TRA2B: variants seen among roughly 807,000 people sequenced by gnomAD.
The protein encoded by TRA2B is transformer-2 protein homolog beta.
A neutral mutation model predicts 41.7 loss-of-function variants in TRA2B; 14 were observed. That is an observed-to-expected ratio of 0.34 (90% CI 0.22 to 0.53). TRA2B has a LOEUF of 0.53. TRA2B is among the 20% of genes least tolerant of loss of function. TRA2B has a pLI of 0.95. For synonymous variants in TRA2B, 130 were observed against 128.8 expected (o/e 1.01, Z -0.06); for missense variants, 167 against 396.8 (o/e 0.42, Z 4.92).
At chr3:185,923,724 A>T in intron 4 of TRA2B, 72 bp downstream of exon 4, 2 of 1,400,234 alleles carry the variant, frequency 1.4e-6, no homozygotes, top group Non-Finnish European at 1.9e-6. Flanking sequence ...TCCTTATCCT[A>T]GCAATTGGTC....
At chr3:185,920,932 CATTAAATTG>C (rs1743708935) in intron 6 of TRA2B, among the ~76,000 whole-genome samples, 163 bp downstream of exon 6, 1 of 151,418 alleles carries the variant, frequency 6.6e-6, no homozygotes, top group African/African-American at 2.4e-5. Context: ...TCCAGTTACA[CATTAAATTG>C]ATTAAGACAC....
intron 6 of TRA2B, 124 bp downstream of exon 6, chr3:185,920,980 A>T: frequency 1.5e-6 from 1 of 647,490 alleles, no homozygotes; most frequent in Non-Finnish European, 2.5e-6. Context: ...TTAACTTTCT[A>T]CTCTGCATTT....
At position 185,925,576 on chromosome 3, in the gene TRA2B, C is replaced by T. The variant is rs758758553; in HGVS notation, c.221G>A (p.Arg74His). 3.7e-6 allele frequency: 6 copies of T among 1,613,986 alleles called. No individual in the cohort carries two copies. Among genetic ancestry groups the T allele is most frequent in the East Asian group, 2.2e-5 (1 of 44,892 alleles). Reference sequence around the variant, plus strand: ...ACGTGATCGTCTATGGGAGCGGGAGCGAGACCGTGACCGGGTATAATGCCT... The same window carrying T: ...ACGTGATCGTCTATGGGAGCGGGAGTGAGACCGTGACCGGGTATAATGCCT... Reference protein sequence around the residue: ...SRRHYTRSRSRSRSHRRSRSR... With the variant: ...SRRHYTRSRSHSRSHRRSRSR... Residue 74 changes from arginine to histidine, a missense_variant, in exon 3 of 9, where the codon CGC becomes CAC. By Grantham distance (29) the Arg-to-His change is conservative. This residue lies in a region of TRA2B where 94 missense variants were observed against 133.4 expected (regional missense o/e 0.70). Transcript: ENST00000453386.
At chr3:185,935,491 CACA>C (rs1264890619) in intron 1 of TRA2B, 4 of 985,244 alleles carry the variant, frequency 4.1e-6, no homozygotes, top group South Asian at 9.4e-5. Flanking sequence ...AGGGGAGGGA[CACA>C]ACAACAAACT....
rs1358407288 is a variant in TRA2B at position 185,937,964 on chromosome 3, C to A, written c.-104G>T. 2.1e-6 allele frequency: 3 copies of A among 1,428,034 alleles called. No individual in the cohort carries two copies. The highest frequency in any genetic ancestry group is 2.8e-5 in the African/African-American group (2 of 70,968). The allele number at this position is 1,428,034 out of a possible 1,614,324, so 88.5% of individuals were successfully genotyped here. On this transcript the variant is annotated 5_prime_UTR_variant, in exon 1 of 9. Coordinates refer to ENST00000453386, the MANE Select transcript of TRA2B (RefSeq NM_004593.3). The stretch of plus-strand genomic sequence containing the variant: ...CCGCAGCCCCGCACGACGCGCCGGT[C>A]GCCCAGCCGCTCAGAGCCGAAATGC...
chr3:185,932,849 G>GA (rs1744202005), intron 1 of TRA2B, among the ~76,000 whole-genome samples: 1 of 151,714 alleles, frequency 6.6e-6, no homozygotes, highest in Non-Finnish European at 1.5e-5. Context: ...TTTTCCTCCT[G>GA]AAAAAAATGT....
At chr3:185,926,482 A>G (rs1743958298) in intron 2 of TRA2B, 119 bp downstream of exon 2, 2 of 1,335,272 alleles carry the variant, frequency 1.5e-6, no homozygotes, top group African/African-American at 1.5e-5. Flanking sequence ...GTTCACTTCT[A>G]GTACCAATAT....
intron 1 of TRA2B, chr3:185,935,792 T>C: frequency 3.0e-6 from 3 of 985,238 alleles, no homozygotes; most frequent in Non-Finnish European, 3.6e-6. Flanking sequence ...CCCTTAAAGG[T>C]TCCAATTGGA....
chr3:185,935,317 T>C, intron 1 of TRA2B: 1 of 985,080 alleles, frequency 1.0e-6, no homozygotes, highest in Non-Finnish European at 1.2e-6. Context: ...TATAGACAGA[T>C]TTTAGTGTTA....
At chr3:185,935,649 C>G in intron 1 of TRA2B, 7 of 985,448 alleles carry the variant, frequency 7.1e-6, no homozygotes, top group Non-Finnish European at 8.4e-6. Context: ...GAATAACACT[C>G]ATTTTTCTGG....
intron 7 of TRA2B, 36 bp from the exon 8 acceptor site, chr3:185,918,474 AG>A: frequency 6.9e-7 from 1 of 1,450,404 alleles, no homozygotes; most frequent in Non-Finnish European, 9.7e-7. Flanking sequence ...AAGTCTCAAT[AG>A]ATCACAATTA....
intron 1 of TRA2B, chr3:185,931,752 T>A: frequency 6.8e-7 from 1 of 1,475,970 alleles, no homozygotes; most frequent in African/African-American, 1.4e-5. Context: ...TTCTTTCTTT[T>A]ATTTTTTCAA....
At chr3:185,921,574 C>CTAA (rs1170922709) in intron 5 of TRA2B, among the ~76,000 whole-genome samples, 1 of 152,102 alleles carries the variant, frequency 6.6e-6, no homozygotes, top group African/African-American at 2.4e-5. Flanking sequence ...AACATCCTGG[C>CTAA]TAACATGGTG....
intron 3 of TRA2B, chr3:185,924,416 C>T (rs1178890311): frequency 6.4e-6 from 1 of 156,750 alleles, no homozygotes; most frequent in Admixed American, 6.4e-5. Flanking sequence ...ATGTATGGTT[C>T]GATTTTTTCA....
In TRA2B at chr3:185,916,882, T is replaced by TA. The variant is rs1491364950; in HGVS notation, c.*832dup. On this transcript the variant is annotated 3_prime_UTR_variant, in exon 9 of 9. Coordinates refer to ENST00000453386, the MANE Select transcript of TRA2B (RefSeq NM_004593.3). ...AAGTCTTCAGTTCATCCATGACAGG[T>TA]ATAGTGTTCCCTTATCATGTACTTT... The TA allele has an allele frequency of 6.6e-6, 1 of 151,942 alleles. No homozygotes were observed. Among genetic ancestry groups the TA allele is most frequent in the Non-Finnish European group, 1.5e-5 (1 of 67,908 alleles). 9.4% of individuals were successfully genotyped at this position (151,942 alleles called of 1,614,324 possible). A position where few individuals can be genotyped will look rare whatever the true frequency, so the allele number is the denominator to read the frequency against.
chr3:185,922,373 C>A (rs922163442), intron 4 of TRA2B: 1 of 307,544 alleles, frequency 3.3e-6, no homozygotes, highest in African/African-American at 2.2e-5. Context: ...ATTTCCAGCT[C>A]CAAAGCAGCA....
In TRA2B at chr3:185,934,486, A is replaced by T. The variant is rs184109511; in HGVS notation, c.36+3339T>A. The stretch of plus-strand genomic sequence containing the variant: ...ATGTCACGTTCTAGTTCCAGACAAT[A>T]TCCACAATATTAAAGCATTCTTGTT... On this transcript the variant is annotated intron_variant, in intron 1 of 8. Transcript: ENST00000453386. 150 of 985,430 alleles carry T rather than the reference A, an allele frequency of 1.5e-4. No individual in the cohort carries two copies. The African/African-American group carries it at 2.5e-3, about 16-fold the overall frequency. The allele number at this position is 985,430 out of a possible 1,614,324, so 61.0% of individuals were successfully genotyped here.
intron 3 of TRA2B, chr3:185,924,624 G>C (rs1743873110): frequency 6.6e-6 from 1 of 152,632 alleles, no homozygotes; most frequent in African/African-American, 2.4e-5. Context: ...ACTAGCCTGG[G>C]CAACACAGTG....
At chr3:185,921,243 T>C in intron 5 of TRA2B, 56 bp from the exon 6 acceptor site, 2 of 1,472,154 alleles carry the variant, frequency 1.4e-6, no homozygotes, top group East Asian at 2.3e-5. Context: ...CATGAGTTTT[T>C]ATATCTACTA....
Sources: allele counts gnomAD v4.1 joint callset (sites outside exome capture counted in the v4.1 genomes callset), GRCh38; gene constraint gnomAD v4.1.1; regional missense constraint gnomAD v4.1.1; transcripts MANE v1.5; gene names NCBI Gene and HGNC (gene_info 2026-07-23, HGNC 2026-07-21).